Variants in DOCK7 observed in about 807,000 individuals in gnomAD.
The protein encoded by DOCK7 is dedicator of cytokinesis 7.
A neutral mutation model predicts 271.0 loss-of-function variants in DOCK7; 138 were observed. That is an observed-to-expected ratio of 0.51 (90% confidence interval 0.44 to 0.59). DOCK7 has a LOEUF of 0.59. Among genes scored for constraint, DOCK7 ranks in the 20% least tolerant of loss-of-function variants. The pLI is 0.00. For missense variants in DOCK7, 2,066 were observed against 2,592.4 expected (o/e 0.80, Z 4.41); for synonymous variants, 823 against 876.1 (o/e 0.94, Z 1.07).
intron 28 of DOCK7, among the ~76,000 whole-genome samples, chr1:62,536,213 T>G (rs1048438123): frequency 6.6e-6 from 1 of 152,154 alleles, no homozygotes; most frequent in Admixed American, 6.5e-5. Flanking sequence ...AACAATAGAT[T>G]TCACATTTCT....
At chr1:62,466,963 C>CA (rs1645697711) in intron 48 of DOCK7, among the ~76,000 whole-genome samples, 2 of 151,748 alleles carry the variant, frequency 1.3e-5, no homozygotes, top group East Asian at 3.9e-4. Context: ...AAGAACAACA[C>CA]AAAAAACAAG....
At chr1:62,591,705 G>A (rs1485630397) in intron 14 of DOCK7, among the ~76,000 whole-genome samples, 2 of 152,028 alleles carry the variant, frequency 1.3e-5, no homozygotes, top group African/African-American at 2.4e-5. Context: ...TTTGCTTTGC[G>A]GGCATGGACA....
At chr1:62,525,966 T>C (rs1381325464) in intron 31 of DOCK7, among the ~76,000 whole-genome samples, 2 of 152,256 alleles carry the variant, frequency 1.3e-5, no homozygotes, top group Non-Finnish European at 2.9e-5. Context: ...AGACAGGGTC[T>C]TGCTCTGTTG....
chr1:62,473,740 AC>A (rs1263075912), intron 48 of DOCK7, among the ~76,000 whole-genome samples: 4 of 151,870 alleles, frequency 2.6e-5, no homozygotes, highest in Non-Finnish European at 4.4e-5. Context: ...CACAACCTAC[AC>A]TTGGCTAATT....
At chr1:62,604,614 G>A (rs1274142655) in intron 14 of DOCK7, 2 of 1,610,908 alleles carry the variant, frequency 1.2e-6, no homozygotes, top group Non-Finnish European at 1.7e-6. Context: ...CCATTAAATT[G>A]CATATCTATC....
chr1:62,676,612 G>T (rs2149759905), intron 1 of DOCK7, among the ~76,000 whole-genome samples: 1 of 152,220 alleles, frequency 6.6e-6, no homozygotes, highest in South Asian at 2.1e-4. Flanking sequence ...CTGTTTATTT[G>T]TAAGAGAAAG....
At chr1:62,577,165 G>T in intron 18 of DOCK7, 97 bp downstream of exon 18, 1 of 643,564 alleles carries the variant, frequency 1.6e-6, no homozygotes, top group Non-Finnish European at 2.4e-6. Context: ...TAAACTTTAA[G>T]TAGAAGAAAT....
At chr1:62,665,444 G>A (rs187760381) in intron 1 of DOCK7, among the ~76,000 whole-genome samples, 188 of 151,860 alleles carry the variant, frequency 1.2e-3, no homozygotes, top group Non-Finnish European at 1.5e-3. Flanking sequence ...GGTGGCTCGC[G>A]CCTGTAATCC....
intron 11 of DOCK7, chr1:62,629,739 A>C (rs1460343591): frequency 6.6e-6 from 1 of 152,230 alleles, no homozygotes; most frequent in Non-Finnish European, 1.5e-5. Context: ...CAGTTCTTCA[A>C]AACTGTGACT....
chr1:62,519,795 C>T (rs1644791253), intron 31 of DOCK7, among the ~76,000 whole-genome samples: 1 of 151,974 alleles, frequency 6.6e-6, no homozygotes, highest in South Asian at 2.1e-4. Context: ...GCCTGTATAG[C>T]CAAGACAATG....
intron 33 of DOCK7, chr1:62,510,902 C>T (rs2149333882): frequency 2.4e-6 from 1 of 410,254 alleles, no homozygotes; most frequent in Non-Finnish European, 4.3e-6. Context: ...ACAATACCCA[C>T]TTAAATAAGC....
At chr1:62,550,806 C>A (rs186209512) in intron 22 of DOCK7, among the ~76,000 whole-genome samples, 1 of 145,600 alleles carries the variant, frequency 6.9e-6, no homozygotes, top group African/African-American at 2.6e-5. Context: ...CTGCAACCTC[C>A]GCCTCCCAGG....
intron 14 of DOCK7, among the ~76,000 whole-genome samples, chr1:62,599,337 G>A (rs1649766528): frequency 6.6e-6 from 1 of 151,882 alleles, no homozygotes; most frequent in South Asian, 2.1e-4. Flanking sequence ...TCCTCTAACT[G>A]GAACGCTCTT....
intron 15 of DOCK7, 54 bp from the exon 16 acceptor site, chr1:62,583,308 C>T: frequency 6.8e-7 from 1 of 1,459,916 alleles, no homozygotes; most frequent in Non-Finnish European, 9.6e-7. Context: ...CTGGATGTTT[C>T]ATAACTATGT....
At chr1:62,659,409 C>T (rs1288038814) in intron 2 of DOCK7, among the ~76,000 whole-genome samples, 2 of 151,942 alleles carry the variant, frequency 1.3e-5, no homozygotes, top group East Asian at 3.9e-4. Flanking sequence ...AAGAGATACT[C>T]TCCACAACAC....
chr1:62,543,702 G>A lies in DOCK7; in HGVS notation c.2903C>T (p.Thr968Met), dbSNP rs758369959. 7.5e-6 allele frequency: 12 copies of A among 1,604,122 alleles called. No individual in the cohort carries two copies. Among genetic ancestry groups the A allele is most frequent in the East Asian group, 6.7e-5 (3 of 44,744 alleles). The change falls in exon 24 of 50, where the codon ACG becomes ATG. Residue 968 changes from threonine to methionine, a missense_variant. Thr to Met is a moderately conservative substitution (Grantham distance 81). This residue lies in a region of DOCK7 where 1,414 missense variants were observed against 1,670.4 expected (regional missense o/e 0.85). Coordinates refer to ENST00000635253, the MANE Select transcript of DOCK7 (RefSeq NM_001367561.1). The part of the protein sequence containing the change: ...SCNRMSSHTE[T>M]SSFLQTLTGR... ...CGTTAATGTTTGTAAGAAACTTGAC[G>A]TCTCTGTGTGCGAAGACATACGATT...
chr1:62,519,115 T>A (rs746931567), intron 31 of DOCK7, among the ~76,000 whole-genome samples: 6 of 150,954 alleles, frequency 4.0e-5, no homozygotes, highest in Non-Finnish European at 7.4e-5. Context: ...CCACCAAAAA[T>A]TATATAAAAG....
At chr1:62,511,816 T>G (rs1644494404) in intron 33 of DOCK7, among the ~76,000 whole-genome samples, 1 of 152,012 alleles carries the variant, frequency 6.6e-6, no homozygotes. Flanking sequence ...ACTATAATAT[T>G]CTATCATTTA....
chr1:62,609,834 A>T (rs759472178), intron 14 of DOCK7, among the ~76,000 whole-genome samples: 38 of 151,972 alleles, frequency 2.5e-4, no homozygotes, highest in Non-Finnish European at 5.0e-4. Context: ...CTCTTGACTC[A>T]GAATTCTTTT....
Sources: gnomAD v4.1 joint callset for allele counts (sites outside exome capture counted in the v4.1 genomes callset) on GRCh38, gnomAD v4.1.1 for gene constraint, gnomAD v4.1.1 regional missense constraint, MANE v1.5 for transcripts, NCBI Gene and HGNC (gene_info 2026-07-23, HGNC 2026-07-21) for gene names.